The following ANKFN1 variants were observed in gnomAD, a reference collection of about 807,000 sequenced individuals.
ANKFN1 encodes ankyrin repeat and fibronectin type III domain containing 1.
A neutral mutation model predicts 108.7 loss-of-function variants in ANKFN1; 74 were observed. The ratio of observed to expected loss-of-function variants is 0.68; its 90% CI spans 0.56 to 0.83. ANKFN1 has a LOEUF of 0.83. Among genes scored for constraint, ANKFN1 ranks in the 40% least tolerant of loss-of-function variants. ANKFN1 has a pLI of 0.00. For synonymous variants in ANKFN1, 547 were observed against 516.2 expected, an observed-to-expected ratio of 1.06 and a Z score of -0.81; for missense variants, 1,505 against 1,382.3, an observed-to-expected ratio of 1.09 and a Z score of -1.41.
intron 2 of ANKFN1, among the ~76,000 whole-genome samples, chr17:56,224,128 C>T (rs373682061): frequency 5.8e-4 from 89 of 152,332 alleles, no homozygotes; most frequent in African/African-American, 2.0e-3. Flanking sequence ...ATGCCTTCAT[C>T]ACATAGTCTT....
chr17:56,311,843 A>G (rs1187922314), intron 3 of ANKFN1, among the ~76,000 whole-genome samples: 1 of 152,212 alleles, frequency 6.6e-6, no homozygotes, highest in Non-Finnish European at 1.5e-5. Context: ...TCTAAACTCC[A>G]AGAAAAAATC....
chr17:56,069,169 T>A lies in ANKFN1; in HGVS notation c.288+22844T>A, dbSNP rs893637458. Among the ~76,000 whole-genome samples the A allele has an allele frequency of 4.6e-5, 7 of 152,340 alleles. No individual in the cohort carries two copies. In the East Asian group the frequency reaches 1.3e-3, roughly 29 times the overall value. On this transcript the variant is annotated intron_variant, in intron 4 of 12. Coordinates refer to the ANKFN1 transcript ENST00000635860. ...TGTGGGTGCTCACAAAGAACAATAC[T>A]GTTGTTTGAATAAAAACTGGGGAGC...
chr17:56,252,783 G>A (rs144140582), intron 3 of ANKFN1, among the ~76,000 whole-genome samples: 26 of 151,164 alleles, frequency 1.7e-4, no homozygotes, highest in African/African-American at 6.1e-4. Context: ...TGATGGACCA[G>A]GTATGGTGGC....
At chr17:56,374,791 G>A (rs776040459) in intron 8 of ANKFN1, 77 bp downstream of exon 8, 27 of 1,212,790 alleles carry the variant, frequency 2.2e-5, no homozygotes, top group Non-Finnish European at 3.0e-5. Flanking sequence ...AGTGCATTTT[G>A]TGTGTTTGTT....
In ANKFN1 at chr17:56,332,979, G is replaced by GTATATATATATATATATATATA. The variant is rs61494269; in HGVS notation, c.188+6645_188+6646insATATATATATATATATATATAT. On this transcript the variant is annotated intron_variant, in intron 4 of 20. Coordinates refer to ENST00000682825, the MANE Select transcript of ANKFN1 (RefSeq NM_001370326.1). Reference sequence around the variant, plus strand: ...ATGAACAAGGTGTGTATATATGTGTGTATATATATATATATATATATCTTC... The same window carrying GTATATATATATATATATATATA: ...ATGAACAAGGTGTGTATATATGTGTGTATATATATATATATATATATATATATATATATATATATATATCTTC... Among the ~76,000 whole-genome samples the GTATATATATATATATATATATA allele has an allele frequency of 2.1e-3, 311 of 147,716 alleles. 3 individuals are homozygous for GTATATATATATATATATATATA. The highest frequency in any genetic ancestry group is 7.6e-3 in the African/African-American group (301 of 39,466).
intron 13 of ANKFN1, 116 bp downstream of exon 13, chr17:56,457,505 G>A (rs1256088199): frequency 2.5e-6 from 3 of 1,192,426 alleles, no homozygotes; most frequent in African/African-American, 1.5e-5. Context: ...TAGAAATAAA[G>A]TATCTCCAAG....
intron 1 of ANKFN1, among the ~76,000 whole-genome samples, chr17:56,175,285 G>T (rs1176125949): frequency 6.6e-6 from 1 of 152,112 alleles, no homozygotes; most frequent in Non-Finnish European, 1.5e-5. Flanking sequence ...GTTCTTGTTG[G>T]TTTGTTTGTT....
intron 4 of ANKFN1, among the ~76,000 whole-genome samples, chr17:56,082,627 C>T (rs534868207): frequency 6.6e-5 from 10 of 152,278 alleles, no homozygotes; most frequent in East Asian, 5.8e-4. Context: ...ACTGGTGCCT[C>T]GTTTGTTCAT....
intron 1 of ANKFN1, among the ~76,000 whole-genome samples, chr17:56,199,187 C>G (rs1032675287): frequency 1.3e-5 from 2 of 150,752 alleles, no homozygotes; most frequent in African/African-American, 4.9e-5. Context: ...TTGTAGTTTA[C>G]CTATAGTTGC....
chr17:56,356,412 G>A (rs1208243285), intron 6 of ANKFN1, among the ~76,000 whole-genome samples: 1 of 152,182 alleles, frequency 6.6e-6, no homozygotes, highest in Non-Finnish European at 1.5e-5. Context: ...GACCCAGAAG[G>A]CTGAAAGAGA....
rs967865725 is a variant in ANKFN1 at position 56,408,920 on chromosome 17, T to G, written c.911-31407T>G. Among the ~76,000 whole-genome samples the G allele has an allele frequency of 3.7e-4, 56 of 150,804 alleles. 1 individual carries two copies. Among genetic ancestry groups the G allele is most frequent in the Admixed American group, 7.2e-4 (11 of 15,202 alleles). On this transcript the variant is annotated intron_variant, in intron 8 of 20. Coordinates refer to ENST00000682825, the MANE Select transcript of ANKFN1 (RefSeq NM_001370326.1). ...TTAGAATACAAAATGGTAAATGCTT[T>G]TAAGATTTTTTTTTTTTTTTTGAGA... is the stretch of plus-strand genomic sequence containing the variant.
At chr17:56,169,057 C>G (rs79315044) in intron 1 of ANKFN1, among the ~76,000 whole-genome samples, 3,743 of 152,042 alleles carry the variant, frequency 0.025, 140 homozygotes, top group African/African-American at 0.085. Flanking sequence ...GGAGATGTAA[C>G]AGAAAGCGGG....
Position 56,296,663 on chromosome 17 carries a change from G to A in ANKFN1, c.54-29558G>A, listed in dbSNP as rs546088144. On this transcript the variant is annotated intron_variant, in intron 3 of 20. Coordinates refer to ENST00000682825, the MANE Select transcript of ANKFN1 (RefSeq NM_001370326.1). ...CACACCACTGCACTCCAGCCTGGGC[G>A]ACAGAGTAAGACTCCGTCTCAAAAA... 3.9e-5 allele frequency among the ~76,000 whole-genome samples: 6 copies of A among 152,234 alleles called. No homozygotes were observed. In the East Asian group the frequency reaches 9.7e-4, roughly 25 times the overall value.
At chr17:56,238,215 T>A (rs1413607538) in intron 3 of ANKFN1, among the ~76,000 whole-genome samples, 1 of 152,158 alleles carries the variant, frequency 6.6e-6, no homozygotes, top group Non-Finnish European at 1.5e-5. Flanking sequence ...TTTTAAAGTA[T>A]GTGCCATGTG....
At chr17:56,508,555 G>C (rs926711953) in intron 20 of ANKFN1, among the ~76,000 whole-genome samples, 2 of 151,944 alleles carry the variant, frequency 1.3e-5, no homozygotes, top group Non-Finnish European at 2.9e-5. Context: ...CTTATCGTTT[G>C]TATATTTACT....
At chr17:56,294,649 G>A (rs1277312574) in intron 3 of ANKFN1, among the ~76,000 whole-genome samples, 2 of 152,204 alleles carry the variant, frequency 1.3e-5, no homozygotes. Context: ...ACAAAGAATT[G>A]TTCAAACTGG....
At chr17:56,439,516 T>G (rs1042604466) in intron 8 of ANKFN1, among the ~76,000 whole-genome samples, 1 of 151,804 alleles carries the variant, frequency 6.6e-6, no homozygotes, top group Non-Finnish European at 1.5e-5. Context: ...TTTGTATGAC[T>G]TAACTAGAAA....
intron 1 of ANKFN1, among the ~76,000 whole-genome samples, chr17:56,176,788 G>A (rs761940800): frequency 1.3e-5 from 2 of 152,176 alleles, no homozygotes; most frequent in Non-Finnish European, 2.9e-5. Flanking sequence ...GAGCCAGAAA[G>A]AGCTGAACAC....
intron 15 of ANKFN1, among the ~76,000 whole-genome samples, chr17:56,469,262 C>T (rs1249588059): frequency 6.6e-6 from 1 of 150,768 alleles, no homozygotes; most frequent in African/African-American, 2.4e-5. Flanking sequence ...TCTTCTCTCT[C>T]CCCTCCTTCC....
Sources: gnomAD v4.1 joint callset for allele counts (sites outside exome capture counted in the v4.1 genomes callset) on GRCh38, gnomAD v4.1.1 for gene constraint, MANE v1.5 for transcripts, NCBI Gene and HGNC (gene_info 2026-07-23, HGNC 2026-07-21) for gene names.